Variants in TLK1 observed in about 807,000 individuals in gnomAD.
The protein encoded by TLK1 is tousled like kinase 1, also known as serine/threonine-protein kinase tousled-like 1.
A neutral mutation model predicts 105.3 loss-of-function variants in TLK1; 24 were observed. That is an observed-to-expected ratio of 0.23 (90% CI 0.17 to 0.32). TLK1 has a LOEUF of 0.32. TLK1 is among the 10% of genes least tolerant of loss of function. The probability of loss-of-function intolerance (pLI) is 1.00; values close to 1 mark genes in which losing one functional copy is unlikely to be tolerated. For missense variants in TLK1, 558 were observed against 910.5 expected (o/e 0.61, Z 4.98); for synonymous variants, 321 against 310.4 (o/e 1.03, Z -0.36).
At chr2:171,053,875 T>C in intron 7 of TLK1, 22 bp from the exon 8 acceptor site, 1 of 1,523,336 alleles carries the variant, frequency 6.6e-7, no homozygotes, top group Non-Finnish European at 8.9e-7. Flanking sequence ...AAAGTTATTT[T>C]ATTATCTCCA....
At chr2:171,053,682 T>C (rs944720972) in intron 8 of TLK1, 79 bp downstream of exon 8, 13 of 1,167,510 alleles carry the variant, frequency 1.1e-5, no homozygotes, top group Non-Finnish European at 1.6e-5. Flanking sequence ...TTTTTTACAA[T>C]GCTAAGTATT....
Position 170,992,838 on chromosome 2 carries a change from T to C in TLK1, c.*942A>G, listed in dbSNP as rs1305832344. ...ATTAGAAAAGCCATATTTTAAACAT[T>C]TGTACAAGAATAAGCTGCTGAAACT... On this transcript the variant is annotated 3_prime_UTR_variant, in exon 21 of 21. Transcript: ENST00000431350. 2.0e-5 allele frequency: 3 copies of C among 152,612 alleles called. No homozygotes were observed. The highest frequency in any genetic ancestry group is 4.4e-5 in the Non-Finnish European group (3 of 68,014). The allele number at this position is 152,612 out of a possible 1,614,324, so 9.5% of individuals were successfully genotyped here.
chr2:171,178,983 T>C (rs1156676408), intron 1 of TLK1, among the ~76,000 whole-genome samples: 2 of 152,226 alleles, frequency 1.3e-5, no homozygotes, highest in African/African-American at 4.8e-5. Flanking sequence ...CTTTCCAGGG[T>C]TCTGAGGTAG....
intron 3 of TLK1, among the ~76,000 whole-genome samples, chr2:171,078,394 C>T (rs1020548146): frequency 7.2e-5 from 11 of 151,982 alleles, no homozygotes; most frequent in Admixed American, 3.9e-4. Flanking sequence ...AAAAATTAGC[C>T]GGGCATGGTG....
intron 2 of TLK1, among the ~76,000 whole-genome samples, chr2:171,095,942 T>C (rs1221207080): frequency 1.3e-5 from 2 of 152,034 alleles, no homozygotes; most frequent in East Asian, 3.9e-4. Flanking sequence ...CAGCTTTTCC[T>C]CTAAGATCAG....
rs1256852431 is a variant in TLK1 at position 171,160,443 on chromosome 2, G to A, written c.-15C>T. The A allele has an allele frequency of 6.3e-7, 1 of 1,589,634 alleles. No individual in the cohort carries two copies. Among genetic ancestry groups the A allele is most frequent in the Admixed American group, 1.8e-5 (1 of 56,764 alleles). The stretch of plus-strand genomic sequence containing the variant: ...TGGACACTCATCAAGCTACTTTCTG[G>A]GAACCCGACTCCCCCCCTGCGACGG... On this transcript the variant is annotated 5_prime_UTR_variant, in exon 1 of 21. Transcript: ENST00000431350. The surrounding 1 kb of genome is among the most constrained non-coding windows in gnomAD (Gnocchi z 4.4).
At chr2:171,039,704 A>G (rs1334704431) in intron 11 of TLK1, among the ~76,000 whole-genome samples, 1 of 152,184 alleles carries the variant, frequency 6.6e-6, no homozygotes, top group Non-Finnish European at 1.5e-5. Context: ...TTGTTTCTCT[A>G]AAGACTATCA....
At chr2:171,079,654 C>A (rs1039622433) in intron 3 of TLK1, among the ~76,000 whole-genome samples, 2 of 152,166 alleles carry the variant, frequency 1.3e-5, no homozygotes, top group African/African-American at 4.8e-5. Flanking sequence ...AAAACTTTTT[C>A]ATTCTATTTA....
intron 1 of TLK1, among the ~76,000 whole-genome samples, chr2:171,227,799 G>A (rs917411044): frequency 2.6e-5 from 4 of 151,824 alleles, no homozygotes; most frequent in African/African-American, 7.3e-5. Context: ...GTCTGAAAGC[G>A]CTTACAAATT....
intron 1 of TLK1, among the ~76,000 whole-genome samples, chr2:171,128,881 A>T (rs1410646781): frequency 6.6e-6 from 1 of 152,188 alleles, no homozygotes; most frequent in East Asian, 1.9e-4. Flanking sequence ...AGACACTGAA[A>T]GGTTAAGTTA....
intron 1 of TLK1, among the ~76,000 whole-genome samples, chr2:171,197,747 C>A (rs1173342076): frequency 6.6e-6 from 1 of 151,922 alleles, no homozygotes; most frequent in Non-Finnish European, 1.5e-5. Context: ...CCACTGCACT[C>A]CAGCTGGGGT....
intron 1 of TLK1, among the ~76,000 whole-genome samples, chr2:171,150,383 G>A (rs1267317737): frequency 2.0e-5 from 3 of 152,102 alleles, no homozygotes; most frequent in East Asian, 1.9e-4. Context: ...TAAATGATTC[G>A]CTATAGTTGT....
intron 1 of TLK1, among the ~76,000 whole-genome samples, chr2:171,211,695 G>T (rs767124193): frequency 6.6e-6 from 1 of 151,478 alleles, no homozygotes; most frequent in Non-Finnish European, 1.5e-5. Context: ...GATTACAGGC[G>T]CACCCCACCA....
chr2:171,153,865 T>TA (rs1692135757), intron 1 of TLK1: 1 of 152,202 alleles, frequency 6.6e-6, no homozygotes, highest in Non-Finnish European at 1.5e-5. Context: ...CTCATAAACT[T>TA]AAATACCCTT....
chr2:171,084,408 A>C (rs1033849971), intron 2 of TLK1, among the ~76,000 whole-genome samples: 4 of 152,200 alleles, frequency 2.6e-5, no homozygotes, highest in Non-Finnish European at 4.4e-5. Context: ...ATTGAGTACT[A>C]TATAGGTACA....
At chr2:171,214,350 T>A (rs1372901553) in intron 1 of TLK1, among the ~76,000 whole-genome samples, 1 of 152,142 alleles carries the variant, frequency 6.6e-6, no homozygotes, top group Non-Finnish European at 1.5e-5. Flanking sequence ...CTAGATAAGG[T>A]CACTAACTGT....
At chr2:171,028,757 G>A (rs1009504326) in intron 11 of TLK1, among the ~76,000 whole-genome samples, 1 of 152,104 alleles carries the variant, frequency 6.6e-6, no homozygotes, top group African/African-American at 2.4e-5. Flanking sequence ...AGGATACAGT[G>A]AAAAACAAAA....
chr2:171,022,090 C>CACACACAG (rs1553605649), intron 12 of TLK1, among the ~76,000 whole-genome samples: 2 of 145,700 alleles, frequency 1.4e-5, no homozygotes, highest in African/African-American at 5.1e-5. Context: ...GCGAAAAACA[C>CACACACAG]ACACACACAC....
rs562172922 is a variant in TLK1, at chr2:171,004,117, C to T, written c.1904+2030G>A. On this transcript the variant is annotated intron_variant, in intron 18 of 20. Coordinates refer to ENST00000431350, the MANE Select transcript of TLK1 (RefSeq NM_012290.5). ...TTCCAGGCATGGCCACCATGCCCAG[C>T]TAACTTTTGTACTTTTAGTATTTTT... 3.7e-4 allele frequency among the ~76,000 whole-genome samples: 57 copies of T among 152,182 alleles called. 1 individual carries two copies. The South Asian group carries it at 0.012, about 32-fold the overall frequency.
Sources: gnomAD v4.1 joint callset for allele counts (sites outside exome capture counted in the v4.1 genomes callset) on GRCh38, gnomAD v4.1.1 for gene constraint, Gnocchi (gnomAD v3.1) non-coding constraint, MANE v1.5 for transcripts, NCBI Gene and HGNC (gene_info 2026-07-23, HGNC 2026-07-21) for gene names.